Variants in NRG1 observed in about 807,000 individuals in gnomAD.
NRG1 encodes pro-neuregulin-1, membrane-bound isoform.
A neutral mutation model predicts 63.8 loss-of-function variants in NRG1; 18 were observed. The observed-to-expected ratio is 0.28, with a 90% confidence interval of 0.19 to 0.42. The LOEUF (loss-of-function observed/expected upper bound fraction) is 0.42. Among genes scored for constraint, NRG1 ranks in the 10% least tolerant of loss-of-function variants. NRG1 has a pLI of 1.00. For synonymous variants in NRG1, 302 were observed against 301.3 expected (o/e 1.00, Z -0.02); for missense variants, 762 against 814.7 (o/e 0.94, Z 0.79).
chr8:32,609,539 TTTCCTTCCCTCCCTCC>T, intron 3 of NRG1, among the ~76,000 whole-genome samples: 1 of 145,282 alleles, frequency 6.9e-6, no homozygotes, highest in South Asian at 2.2e-4. Context: ...TTCTCAAGAA[TTTCCTTCCCTCCCTCC>T]TTCCTTCCTT....
In NRG1 at chr8:32,596,120, A is replaced by G; in HGVS notation, c.278+115A>G. On this transcript the variant is annotated intron_variant, in intron 2 of 11. Coordinates refer to ENST00000356819, the Ensembl canonical transcript of NRG1. ...TCAGAAACATAATAGATAATAAGTG[A>G]AAAGCTGTTTCATTATATAATGACA... 3 of 817,652 alleles carry G rather than the reference A, an allele frequency of 3.7e-6. No individual in the cohort carries two copies. The South Asian group carries it at 9.4e-5, about 26-fold the overall frequency. The allele number at this position is 817,652 out of a possible 1,614,324, so 50.6% of individuals were successfully genotyped here. A position where few individuals can be genotyped will look rare whatever the true frequency, so the allele number is the denominator to read the frequency against.
At chr8:32,137,522 G>C (rs1835703906) in intron 1 of NRG1, among the ~76,000 whole-genome samples, 1 of 152,176 alleles carries the variant, frequency 6.6e-6, no homozygotes, top group South Asian at 2.1e-4. Context: ...ATTTAATGTA[G>C]ATGATATTTT....
chr8:32,246,168 A>G (rs1252416730), intron 1 of NRG1, among the ~76,000 whole-genome samples: 1 of 152,210 alleles, frequency 6.6e-6, no homozygotes, highest in Non-Finnish European at 1.5e-5. Context: ...AAAGATACCA[A>G]TGACAAATGT....
chr8:31,964,114 GC>G (rs1805930212), intron 1 of NRG1, among the ~76,000 whole-genome samples: 1 of 152,182 alleles, frequency 6.6e-6, no homozygotes, highest in African/African-American at 2.4e-5. Context: ...TAGACTGAGA[GC>G]TGTCTGTCTT....
intron 1 of NRG1, among the ~76,000 whole-genome samples, chr8:31,681,279 T>C (rs1808315011): frequency 6.6e-6 from 1 of 152,084 alleles, no homozygotes; most frequent in South Asian, 2.1e-4. Flanking sequence ...ATGAACCATA[T>C]GGGAAAAGAT....
At chr8:32,592,229 T>C (rs1049208281) in intron 1 of NRG1, among the ~76,000 whole-genome samples, 4 of 152,074 alleles carry the variant, frequency 2.6e-5, no homozygotes, top group African/African-American at 7.2e-5. Context: ...TAAGCAGATA[T>C]TGTCTAAGAA....
intron 1 of NRG1, among the ~76,000 whole-genome samples, chr8:31,648,557 A>G (rs895163441): frequency 6.6e-6 from 1 of 152,052 alleles, no homozygotes; most frequent in African/African-American, 2.4e-5. Context: ...TTAAATTACA[A>G]CTTCTCATTT....
At chr8:32,520,480 A>G (rs1417139929) in intron 1 of NRG1, among the ~76,000 whole-genome samples, 1 of 152,128 alleles carries the variant, frequency 6.6e-6, no homozygotes, top group East Asian at 1.9e-4. Context: ...CTTTACCTGT[A>G]CAATGGGGAT....
intron 1 of NRG1, among the ~76,000 whole-genome samples, chr8:32,130,634 A>C (rs1047236112): frequency 6.6e-6 from 1 of 151,892 alleles, no homozygotes; most frequent in Admixed American, 6.6e-5. Context: ...CTGCGAGCTA[A>C]CTGTGCTGAA....
chr8:31,753,715 C>T (rs1479913088), intron 1 of NRG1, among the ~76,000 whole-genome samples: 2 of 152,084 alleles, frequency 1.3e-5, no homozygotes, highest in Non-Finnish European at 2.9e-5. Flanking sequence ...ACTAGTCCAT[C>T]TCTAATTTTT....
rs900566595 is a variant in NRG1 at position 31,837,534 on chromosome 8, G to T, written c.37+198103G>T. On this transcript the variant is annotated intron_variant, in intron 1 of 10. Coordinates refer to the NRG1 transcript ENST00000519301. ...GAGAACATCCAAAATTCTCTCTTCT[G>T]GCTGCTTGTTGGCAGTAGTCACCTT... Among the ~76,000 whole-genome samples the T allele has an allele frequency of 2.6e-5, 4 of 151,822 alleles. 1 individual carries two copies. Among genetic ancestry groups the T allele is most frequent in the Admixed American group, 2.6e-4 (4 of 15,252 alleles).
rs531106987 is a variant in NRG1 at position 31,958,488 on chromosome 8, G to A, written c.37+319057G>A. Among the ~76,000 whole-genome samples the A allele has an allele frequency of 9.9e-5, 15 of 152,196 alleles. No homozygotes were observed. In the South Asian group the frequency reaches 3.1e-3, roughly 32 times the overall value. ...TGTGTCATATGTGGCTGGGTTGTGG[G>A]GTACAAGATGTAGACTTGCTTAGGA... On this transcript the variant is annotated intron_variant, in intron 1 of 10. Coordinates refer to the NRG1 transcript ENST00000519301.
chr8:32,315,003 G>A (rs145638649), intron 1 of NRG1, among the ~76,000 whole-genome samples: 1,902 of 150,358 alleles, frequency 0.013, 30 homozygotes, highest in Middle Eastern at 0.031. Flanking sequence ...AGCTCTTCTC[G>A]ACTTTCTGCC....
intron 1 of NRG1, among the ~76,000 whole-genome samples, chr8:32,564,372 CTT>C (rs1837040842): frequency 6.6e-6 from 1 of 151,930 alleles, no homozygotes; most frequent in African/African-American, 2.4e-5. Flanking sequence ...TTTTTTTTCT[CTT>C]TCCCTGTGGC....
chr8:32,302,681 G>A (rs1042837446), intron 1 of NRG1, among the ~76,000 whole-genome samples: 23 of 148,468 alleles, frequency 1.5e-4, no homozygotes, highest in African/African-American at 5.7e-4. Flanking sequence ...AGACGAACCT[G>A]TGGCATGCAG....
chr8:31,959,730 A>G (rs1805088066), intron 1 of NRG1, among the ~76,000 whole-genome samples: 1 of 151,978 alleles, frequency 6.6e-6, no homozygotes. Context: ...CAAATTATTA[A>G]TAAAACTAAA....
intron 1 of NRG1, among the ~76,000 whole-genome samples, chr8:32,005,567 C>A (rs1001464352): frequency 1.1e-4 from 17 of 151,832 alleles, no homozygotes; most frequent in Non-Finnish European, 7.4e-5. Flanking sequence ...ATATTGCCAT[C>A]CAGTTATTGA....
intron 1 of NRG1, among the ~76,000 whole-genome samples, chr8:31,741,728 G>A (rs570778255): frequency 1.1e-4 from 16 of 152,064 alleles, no homozygotes; most frequent in African/African-American, 3.9e-4. Context: ...TTTTGGGTAG[G>A]ATGAGAAGCA....
At chr8:31,792,791 C>T (rs1820842187) in intron 1 of NRG1, among the ~76,000 whole-genome samples, 1 of 152,168 alleles carries the variant, frequency 6.6e-6, no homozygotes, top group Admixed American at 6.5e-5. Flanking sequence ...CACATGTTCA[C>T]AGTGAGGCTG....
Sources: allele counts gnomAD v4.1 joint callset (sites outside exome capture counted in the v4.1 genomes callset), GRCh38; gene constraint gnomAD v4.1.1; transcripts MANE v1.5; gene names NCBI Gene and HGNC (gene_info 2026-07-23, HGNC 2026-07-21).